Variants in PCNX2 observed in about 807,000 individuals in gnomAD.
PCNX2 encodes the protein pecanex-like protein 2.
PCNX2 carries 168 observed loss-of-function variants against 223.8 expected under a neutral mutation model. The observed-to-expected ratio is 0.75, with a 90% CI of 0.66 to 0.85. The LOEUF is 0.85. Among genes scored for constraint, PCNX2 ranks in the 40% least tolerant of loss-of-function variants. PCNX2 has a pLI of 0.00. For synonymous variants in PCNX2, 1,006 were observed against 1,052.6 expected (o/e 0.96, Z 0.86); for missense variants, 2,507 against 2,675.5 (o/e 0.94, Z 1.39).
intron 17 of PCNX2, among the ~76,000 whole-genome samples, chr1:233,170,221 T>C (rs989742425): frequency 6.6e-6 from 1 of 152,250 alleles, no homozygotes; most frequent in African/African-American, 2.4e-5. Flanking sequence ...CTTTATGTTA[T>C]TAAACTTTTG....
At chr1:233,066,072 C>G (rs1357527336) in intron 23 of PCNX2, among the ~76,000 whole-genome samples, 1 of 152,200 alleles carries the variant, frequency 6.6e-6, no homozygotes, top group Non-Finnish European at 1.5e-5. Flanking sequence ...CACTTTGGGA[C>G]TACCCACCTT....
intron 20 of PCNX2, among the ~76,000 whole-genome samples, chr1:233,138,076 C>G (rs768291869): frequency 6.6e-6 from 1 of 151,964 alleles, no homozygotes; most frequent in East Asian, 1.9e-4. Context: ...TGCCTGAAAC[C>G]TCGAAAAATG....
chr1:233,040,533 C>T (rs150621090), intron 25 of PCNX2, among the ~76,000 whole-genome samples: 80 of 152,302 alleles, frequency 5.3e-4, no homozygotes, highest in African/African-American at 1.9e-3. Flanking sequence ...ACCACTTGGT[C>T]AGCACTGGAA....
At chr1:233,018,801 G>GA in intron 26 of PCNX2, 2 of 985,460 alleles carry the variant, frequency 2.0e-6, no homozygotes, top group Non-Finnish European at 2.4e-6. Context: ...GGCTCACAGT[G>GA]TTTGATGCAA....
At chr1:233,109,893 T>C (rs929789983) in intron 21 of PCNX2, among the ~76,000 whole-genome samples, 3 of 152,100 alleles carry the variant, frequency 2.0e-5, no homozygotes, top group African/African-American at 7.2e-5. Flanking sequence ...GGCGGGCAAA[T>C]CACCTGAGGT....
At chr1:233,108,724 T>TG (rs1192033459) in intron 21 of PCNX2, among the ~76,000 whole-genome samples, 2 of 152,024 alleles carry the variant, frequency 1.3e-5, no homozygotes, top group African/African-American at 4.8e-5. Flanking sequence ...TCACTGCAGC[T>TG]GGGAGGGAAG....
intron 21 of PCNX2, among the ~76,000 whole-genome samples, chr1:233,124,273 G>T (rs1365464171): frequency 6.6e-6 from 1 of 152,128 alleles, no homozygotes; most frequent in Admixed American, 6.5e-5. Context: ...AAGAACACTA[G>T]GCCTTATGAA....
intron 26 of PCNX2, among the ~76,000 whole-genome samples, chr1:233,021,442 C>T (rs769958607): frequency 6.6e-6 from 1 of 152,100 alleles, no homozygotes; most frequent in African/African-American, 2.4e-5. Context: ...TTGCAGTGAG[C>T]CCAGATCACA....
intron 25 of PCNX2, among the ~76,000 whole-genome samples, chr1:233,039,285 T>A (rs1351168675): frequency 1.3e-5 from 2 of 152,164 alleles, no homozygotes; most frequent in African/African-American, 2.4e-5. Context: ...GCAGGGAGTC[T>A]ACGGATAGGC....
At chr1:233,285,839 A>G (rs1156791143) in intron 1 of PCNX2, among the ~76,000 whole-genome samples, 1 of 152,264 alleles carries the variant, frequency 6.6e-6, no homozygotes, top group Non-Finnish European at 1.5e-5. Context: ...AATAGTGACT[A>G]GTCAAATAAG....
intron 9 of PCNX2, among the ~76,000 whole-genome samples, chr1:233,235,957 A>AAAAAAATATATATATATATAT (rs369886650): frequency 2.1e-5 from 2 of 93,114 alleles, no homozygotes; most frequent in African/African-American, 7.8e-5. Context: ...CATAAAAAAA[A>AAAAAAATATATATATATATAT]ATATATATAT....
At chr1:233,269,272 A>G (rs1256265577) in intron 1 of PCNX2, among the ~76,000 whole-genome samples, 1 of 152,212 alleles carries the variant, frequency 6.6e-6, no homozygotes, top group Non-Finnish European at 1.5e-5. Context: ...TCTTGGTCTA[A>G]GCATAATTCA....
chr1:233,291,412 C>G (rs982690448), intron 1 of PCNX2, among the ~76,000 whole-genome samples: 9 of 151,988 alleles, frequency 5.9e-5, no homozygotes, highest in Non-Finnish European at 7.4e-5. Context: ...GAGTTCAAGA[C>G]CAGCTTGACC....
At chr1:233,288,195 C>A (rs1661554022) in intron 1 of PCNX2, among the ~76,000 whole-genome samples, 2 of 152,026 alleles carry the variant, frequency 1.3e-5, no homozygotes, top group African/African-American at 4.8e-5. Flanking sequence ...ATAACAATCA[C>A]CTAGTAAGTA....
At chr1:233,203,887 C>G (rs72750056) in intron 13 of PCNX2, among the ~76,000 whole-genome samples, 1 of 152,208 alleles carries the variant, frequency 6.6e-6, no homozygotes, top group Admixed American at 6.5e-5. Flanking sequence ...ATACTCCATG[C>G]TCCCTAGCAC....
At chr1:233,238,687 C>G (rs1161309290) in intron 8 of PCNX2, among the ~76,000 whole-genome samples, 1 of 91,084 alleles carries the variant, frequency 1.1e-5, no homozygotes, top group Non-Finnish European at 2.3e-5. Flanking sequence ...GAGTAAGATC[C>G]TGTCTCAAAA....
chr1:233,121,463 C>T (rs1675788418), intron 21 of PCNX2, among the ~76,000 whole-genome samples: 2 of 152,164 alleles, frequency 1.3e-5, no homozygotes, highest in South Asian at 4.1e-4. Context: ...GTTATCAAGA[C>T]AACATGGTAT....
intron 13 of PCNX2, among the ~76,000 whole-genome samples, chr1:233,207,067 G>A (rs1681516044): frequency 6.6e-6 from 1 of 152,026 alleles, no homozygotes; most frequent in Non-Finnish European, 1.5e-5. Flanking sequence ...CTCAAATGAT[G>A]TAACAGGAAA....
At chr1:233,140,466 G>A (rs2102777668) in intron 19 of PCNX2, among the ~76,000 whole-genome samples, 1 of 152,302 alleles carries the variant, frequency 6.6e-6, no homozygotes, top group Middle Eastern at 3.4e-3. Flanking sequence ...ACCAACCTGG[G>A]TTTGCATTCA....
Sources: gnomAD v4.1 joint callset for allele counts (sites outside exome capture counted in the v4.1 genomes callset) on GRCh38, gnomAD v4.1.1 for gene constraint, MANE v1.5 for transcripts, NCBI Gene and HGNC (gene_info 2026-07-23, HGNC 2026-07-21) for gene names.